Variants in SLC22A15 observed in about 807,000 individuals in gnomAD.
SLC22A15 encodes flipt 1.
SLC22A15 carries 45 observed loss-of-function variants against 62.7 expected under a neutral mutation model. The observed-to-expected ratio is 0.72, with a 90% CI of 0.56 to 0.92. SLC22A15 has a LOEUF of 0.92. Among genes scored for constraint, SLC22A15 ranks in the 40% least tolerant of loss-of-function variants. The pLI is 0.00. For synonymous variants in SLC22A15, 264 were observed against 267.0 expected, an observed-to-expected ratio of 0.99 and a Z score of 0.11; for missense variants, 622 against 665.6, an observed-to-expected ratio of 0.93 and a Z score of 0.72.
rs142144352 is a variant in SLC22A15, at chr1:115,981,769, C to T, written c.87+5055C>T. On this transcript the variant is annotated intron_variant, in intron 1 of 11. Transcript: ENST00000369503. ...CCTCTGCAGCACCCAAACCCCCAGC[C>T]GAATGCCTTCCAAGGCCATCCCTGG... is the stretch of plus-strand genomic sequence containing the variant. Among the ~76,000 whole-genome samples, 404 of 152,288 alleles carry T rather than the reference C, an allele frequency of 2.7e-3. 1 individual carries two copies. Among genetic ancestry groups the T allele is most frequent in the African/African-American group, 9.0e-3 (375 of 41,546 alleles).
At chr1:116,035,079 A>G in intron 6 of SLC22A15, 108 bp from the exon 7 acceptor site, 2 of 1,180,586 alleles carry the variant, frequency 1.7e-6, no homozygotes, top group Non-Finnish European at 2.4e-6. Context: ...ACAGCAGATC[A>G]AGCAATTATA....
chr1:116,062,776 G>C lies in SLC22A15; in HGVS notation c.1186G>C (p.Ala396Pro), dbSNP rs753775690. The C allele has an allele frequency of 1.4e-5, 22 of 1,613,874 alleles. No individual in the cohort carries two copies. The highest frequency in any genetic ancestry group is 1.8e-5 in the Non-Finnish European group (21 of 1,179,790). The change falls in exon 9 of 12, where the codon GCA (alanine) becomes CCA (proline). Residue 396 changes from alanine (A) to proline (P), a missense_variant. Ala to Pro is a conservative substitution (Grantham distance 27). Transcript: ENST00000369503. ...LPEKKDTGVF[A>P]VVNSHSLSLL... ...GTCCTCCTCAGACACAGGTGTGTTT[G>C]CAGTGGTGAACAGCCATTCCTTGTC...
intron 2 of SLC22A15, among the ~76,000 whole-genome samples, chr1:115,993,751 A>T (rs1655273654): frequency 6.6e-6 from 1 of 152,152 alleles, no homozygotes; most frequent in Non-Finnish European, 1.5e-5. Context: ...CACAGAACAC[A>T]GTAGAGACCC....
At chr1:116,035,891 T>C (rs1657616806) in intron 7 of SLC22A15, among the ~76,000 whole-genome samples, 1 of 152,208 alleles carries the variant, frequency 6.6e-6, no homozygotes, top group African/African-American at 2.4e-5. Flanking sequence ...TTTTTGAGAT[T>C]GCTTCTGTTA....
chr1:116,061,685 T>TAAA (rs112599796), intron 8 of SLC22A15, among the ~76,000 whole-genome samples: 1 of 144,474 alleles, frequency 6.9e-6, no homozygotes, highest in African/African-American at 2.5e-5. Flanking sequence ...TAAACTTTTC[T>TAAA]AAAAAAAAAA....
intron 4 of SLC22A15, among the ~76,000 whole-genome samples, chr1:116,025,342 G>T (rs2101373992): frequency 6.6e-6 from 1 of 152,268 alleles, no homozygotes; most frequent in South Asian, 2.1e-4. Context: ...TGAACCAGTA[G>T]TAGCTATTGA....
At chr1:116,013,098 C>A (rs190977342) in intron 2 of SLC22A15, among the ~76,000 whole-genome samples, 1 of 152,174 alleles carries the variant, frequency 6.6e-6, no homozygotes, top group Non-Finnish European at 1.5e-5. Context: ...GTATGATGTT[C>A]GGTAGGTTAG....
intron 1 of SLC22A15, among the ~76,000 whole-genome samples, chr1:115,980,924 C>T (rs964359182): frequency 2.6e-5 from 4 of 152,104 alleles, no homozygotes; most frequent in Non-Finnish European, 5.9e-5. Flanking sequence ...AATAATGGTT[C>T]ATTCTTTTTT....
At chr1:116,022,614 A>G (rs1656896736) in intron 4 of SLC22A15, among the ~76,000 whole-genome samples, 1 of 152,180 alleles carries the variant, frequency 6.6e-6, no homozygotes, top group Admixed American at 6.5e-5. Flanking sequence ...TGCATGTGTT[A>G]GGGGAAAGGA....
At chr1:116,057,866 A>T (rs1658257363) in intron 8 of SLC22A15, among the ~76,000 whole-genome samples, 1 of 152,136 alleles carries the variant, frequency 6.6e-6, no homozygotes, top group African/African-American at 2.4e-5. Flanking sequence ...ATGAGAACAC[A>T]TGGACACAGG....
chr1:116,027,873 C>T (rs1657177686), intron 5 of SLC22A15, among the ~76,000 whole-genome samples: 1 of 152,212 alleles, frequency 6.6e-6, no homozygotes, highest in South Asian at 2.1e-4. Context: ...GATCTGCCCA[C>T]CTCAGCCTCC....
chr1:116,034,698 C>T (rs1455820025), intron 6 of SLC22A15, among the ~76,000 whole-genome samples: 4 of 152,130 alleles, frequency 2.6e-5, no homozygotes, highest in African/African-American at 7.2e-5. Context: ...TCATTTTGGG[C>T]CTGCAGGTGA....
intron 8 of SLC22A15, among the ~76,000 whole-genome samples, chr1:116,047,909 T>C (rs919729690): frequency 6.6e-6 from 1 of 152,058 alleles, no homozygotes; most frequent in Non-Finnish European, 1.5e-5. Flanking sequence ...CAGGAAACAT[T>C]GGACACACTT....
At chr1:116,010,748 G>A (rs372763832) in intron 2 of SLC22A15, among the ~76,000 whole-genome samples, 3 of 152,194 alleles carry the variant, frequency 2.0e-5, no homozygotes, top group Non-Finnish European at 2.9e-5. Context: ...CTCTGATTGC[G>A]TAGAGCCCTC....
At position 116,064,368 on chromosome 1, in the gene SLC22A15, C is replaced by T. The variant is rs1417779192; in HGVS notation, c.1293-68C>T. On this transcript the variant is annotated intron_variant, in intron 9 of 11. Transcript: ENST00000369503. ...AGGACATGTTATTCAAGGCCCGCTG[C>T]TGCCCCCCAAGGGTCTCTTAATTCC... is the stretch of plus-strand genomic sequence containing the variant. 7.8e-6 allele frequency: 9 copies of T among 1,160,376 alleles called. No homozygotes were observed. In the East Asian group the frequency reaches 1.9e-4, roughly 24 times the overall value. The allele number at this position is 1,160,376 out of a possible 1,614,324, so 71.9% of individuals were successfully genotyped here.
At chr1:116,038,810 A>G (rs1013862550) in intron 8 of SLC22A15, among the ~76,000 whole-genome samples, 12 of 152,144 alleles carry the variant, frequency 7.9e-5, no homozygotes, top group African/African-American at 2.9e-4. Flanking sequence ...ATAATAGTCC[A>G]GCTTTCTGTT....
At chr1:115,997,971 C>T (rs1655508905) in intron 2 of SLC22A15, among the ~76,000 whole-genome samples, 2 of 22,352 alleles carry the variant, frequency 8.9e-5, no homozygotes, top group Admixed American at 5.9e-4. Context: ...CCTTCTATAC[C>T]CAGTTTTTTT....
At chr1:116,018,567 A>G (rs1341001425) in intron 2 of SLC22A15, among the ~76,000 whole-genome samples, 2 of 151,926 alleles carry the variant, frequency 1.3e-5, no homozygotes, top group South Asian at 2.1e-4. Flanking sequence ...GGGTTTCACC[A>G]TGTTAGCCAG....
At chr1:116,046,586 C>T (rs184694930) in intron 8 of SLC22A15, among the ~76,000 whole-genome samples, 5 of 152,258 alleles carry the variant, frequency 3.3e-5, no homozygotes, top group African/African-American at 9.6e-5. Flanking sequence ...ATGAACAGAG[C>T]GCTGTGTGGA....
Sources: gnomAD v4.1 joint callset for allele counts (sites outside exome capture counted in the v4.1 genomes callset) on GRCh38, gnomAD v4.1.1 for gene constraint, MANE v1.5 for transcripts, NCBI Gene and HGNC (gene_info 2026-07-23, HGNC 2026-07-21) for gene names.